NLRP14: variants seen among roughly 807,000 people sequenced by gnomAD.
NLRP14 encodes the protein NACHT, LRR and PYD domains-containing protein 14.
NLRP14 carries 105 observed loss-of-function variants against 94.7 expected under a neutral mutation model. That is an observed-to-expected ratio of 1.11 (90% CI 0.95 to 1.30). The LOEUF (loss-of-function observed/expected upper bound fraction) is 1.30, where lower values mean the gene tolerates loss of function less well. Ranked by LOEUF, NLRP14 falls within the 50% of genes most tolerant of loss-of-function variation. The pLI, the probability that NLRP14 is intolerant of heterozygous loss-of-function variation, is 0.00. For synonymous variants in NLRP14, 508 were observed against 459.9 expected (o/e 1.10, Z -1.34); for missense variants, 1,362 against 1,254.1 (o/e 1.09, Z -1.30).
chr11:7,074,441 A>G (rs542892545), downstream of NLRP14, among the ~76,000 whole-genome samples: 12 of 152,228 alleles, frequency 7.9e-5, no homozygotes, highest in Non-Finnish European at 1.8e-4. Flanking sequence ...CCTCTTTCAC[A>G]TGATAGCCTT....
the NLRP14 span, among the ~76,000 whole-genome samples, chr11:7,078,339 G>A: frequency 6.9e-6 from 1 of 144,218 alleles, no homozygotes; most frequent in Non-Finnish European, 1.5e-5. Context: ...TCAGGAGGCT[G>A]AGGCAGGAGA....
intron 1 of NLRP14, among the ~76,000 whole-genome samples, chr11:7,035,157 A>C (rs887658504): frequency 4.6e-5 from 7 of 151,694 alleles, no homozygotes; most frequent in African/African-American, 1.7e-4. Context: ...TAAATAAATA[A>C]ATAAATAAAT....
chr11:7,087,154 C>A, the NLRP14 span, among the ~76,000 whole-genome samples: 4 of 152,172 alleles, frequency 2.6e-5, no homozygotes, highest in East Asian at 7.7e-4. Flanking sequence ...CTGCTGACTG[C>A]AAATTCTCTT....
At chr11:7,034,385 C>T (rs908698343) in intron 1 of NLRP14, among the ~76,000 whole-genome samples, 1 of 152,238 alleles carries the variant, frequency 6.6e-6, no homozygotes, top group South Asian at 2.1e-4. Flanking sequence ...ATCGGCTCAT[C>T]GTATCTATTC....
chr11:7,058,478 A>G (rs890428513), intron 8 of NLRP14, 28 bp downstream of exon 8: 52 of 1,509,674 alleles, frequency 3.4e-5, no homozygotes, highest in Non-Finnish European at 4.6e-5. Flanking sequence ...TTTATCCTTA[A>G]TATATATTGT....
chr11:7,057,711 C>G lies in NLRP14; in HGVS notation c.2326C>G (p.Leu776Val). Residue 776 changes from leucine to valine, a missense_variant, in exon 7 of 12, where the codon CTA becomes GTA. Transcript: ENST00000299481. ...ESCNLTVFCCLNISNALIRSQ... is the reference protein window; with the variant it reads ...ESCNLTVFCCVNISNALIRSQ... Reference sequence around the variant, plus strand: ...TTGCAACCTAACTGTATTTTGTTGTCTAAATATATCTAATGCTCTCATCAG... The same window carrying G: ...TTGCAACCTAACTGTATTTTGTTGTGTAAATATATCTAATGCTCTCATCAG... 2 of 1,612,592 alleles carry G rather than the reference C, an allele frequency of 1.2e-6. No individual in the cohort carries two copies. Among genetic ancestry groups the G allele is most frequent in the Non-Finnish European group, 8.5e-7 (1 of 1,178,916 alleles).
chr11:7,042,311 T>A, intron 3 of NLRP14, 77 bp from the exon 4 acceptor site: 2 of 1,216,338 alleles, frequency 1.6e-6, no homozygotes, highest in East Asian at 2.3e-5. Context: ...TCGGTATTCT[T>A]GACATTACAT....
At chr11:7,070,202 C>T (rs929372999) in intron 10 of NLRP14, 84 bp from the exon 11 acceptor site, 12 of 962,026 alleles carry the variant, frequency 1.2e-5, no homozygotes, top group Admixed American at 3.5e-5. Flanking sequence ...GAATTATCCT[C>T]CATTCTGAGT....
intron 1 of NLRP14, among the ~76,000 whole-genome samples, chr11:7,034,497 C>G (rs1852135941): frequency 6.6e-6 from 1 of 152,142 alleles, no homozygotes; most frequent in South Asian, 2.1e-4. Flanking sequence ...GGGTGGACAT[C>G]TCCAATTGTA....
At chr11:7,053,029 A>G (rs974139564) in intron 6 of NLRP14, among the ~76,000 whole-genome samples, 1 of 152,200 alleles carries the variant, frequency 6.6e-6, no homozygotes, top group African/African-American at 2.4e-5. Flanking sequence ...AAAAAGTTTA[A>G]GTGAACTATC....
intron 1 of NLRP14, among the ~76,000 whole-genome samples, chr11:7,024,381 A>G (rs577952836): frequency 6.6e-6 from 1 of 152,326 alleles, no homozygotes; most frequent in Non-Finnish European, 1.5e-5. Context: ...TTATTGATTC[A>G]TGGTTTGCAT....
In NLRP14 at chr11:7,039,798, G is replaced by T. The variant is rs970838344; in HGVS notation, c.361+13G>T. 2 of 1,603,826 alleles carry T rather than the reference G, an allele frequency of 1.2e-6. No individual in the cohort carries two copies. The highest frequency in any genetic ancestry group is 1.7e-5 in the Admixed American group (1 of 60,010). On this transcript the variant is annotated intron_variant, in intron 3 of 11. Coordinates refer to ENST00000299481, the MANE Select transcript of NLRP14 (RefSeq NM_176822.4). The stretch of plus-strand genomic sequence containing the variant: ...GAGGCAGTGCTGGGTGAGTAGTTAG[G>T]CCTTTCATCAGATTTGGGAGGCATT...
At chr11:7,078,462 A>AAAAAG in the NLRP14 span, among the ~76,000 whole-genome samples, 56,423 of 88,222 alleles carry the variant, frequency 0.64, 24,160 homozygotes, top group Non-Finnish European at 0.75. Flanking sequence ...AAAAAAAAAA[A>AAAAAG]CAAAAAAATT....
the NLRP14 span, among the ~76,000 whole-genome samples, chr11:7,077,789 C>A: frequency 6.6e-6 from 1 of 152,152 alleles, no homozygotes; most frequent in African/African-American, 2.4e-5. Flanking sequence ...TGGGAGAGAC[C>A]TGACTACATG....
In NLRP14 at chr11:7,043,959, A is replaced by C. The variant is rs769386085; in HGVS notation, c.1933A>C (p.Lys645Gln). 7 of 1,614,060 alleles carry C rather than the reference A, an allele frequency of 4.3e-6. No individual in the cohort carries two copies. Among genetic ancestry groups the C allele is most frequent in the Non-Finnish European group, 5.9e-6 (7 of 1,180,026 alleles). Residue 645 changes from lysine (K) to glutamine (Q), a missense_variant, in exon 4 of 12, where the codon AAA becomes CAA. Coordinates refer to ENST00000299481, the MANE Select transcript of NLRP14 (RefSeq NM_176822.4). ...TGTGGTATTTGAGAAGAAGATATTA[A>C]AAACAAGCCTCCCAACTAACACTTG... Reference protein sequence around the residue: ...VTVVFEKKILKTSLPTNTWDG... With the variant: ...VTVVFEKKILQTSLPTNTWDG...
chr11:7,039,633 A>G, intron 2 of NLRP14, 81 bp from the exon 3 acceptor site: 1 of 1,108,996 alleles, frequency 9.0e-7, no homozygotes, highest in Non-Finnish European at 1.4e-6. Flanking sequence ...CACTTATGTG[A>G]ATGCTGGCCT....
chr11:7,073,996 T>G (rs1565030014), downstream of NLRP14, among the ~76,000 whole-genome samples: 1 of 152,162 alleles, frequency 6.6e-6, no homozygotes, highest in Admixed American at 6.5e-5. Context: ...AACCCTTTAA[T>G]CACATGGTTG....
the NLRP14 span, among the ~76,000 whole-genome samples, chr11:7,079,730 C>T: frequency 6.6e-6 from 1 of 152,310 alleles, no homozygotes; most frequent in South Asian, 2.1e-4. Context: ...AAGGGTGCAT[C>T]TCACGTATGG....
intron 1 of NLRP14, among the ~76,000 whole-genome samples, chr11:7,034,342 T>C (rs185567545): frequency 6.6e-6 from 1 of 152,296 alleles, no homozygotes; most frequent in Admixed American, 6.5e-5. Context: ...CCCCATTATT[T>C]TCCTTTCCTT....
Sources: allele counts gnomAD v4.1 joint callset (sites outside exome capture counted in the v4.1 genomes callset), GRCh38; gene constraint gnomAD v4.1.1; transcripts MANE v1.5; gene names NCBI Gene and HGNC (gene_info 2026-07-23, HGNC 2026-07-21).